CACNB4: variants seen among roughly 807,000 people sequenced by gnomAD.
CACNB4 encodes voltage-dependent L-type calcium channel subunit beta-4.
CACNB4 carries 32 observed loss-of-function variants against 71.2 expected under a neutral mutation model. The ratio of observed to expected loss-of-function variants is 0.45; its 90% confidence interval spans 0.34 to 0.60. CACNB4 has a LOEUF of 0.60. Ranked by LOEUF, CACNB4 falls within the 20% of genes least tolerant of loss-of-function variation. CACNB4 has a pLI of 0.01. For missense variants in CACNB4, 464 were observed against 647.9 expected, an observed-to-expected ratio of 0.72 and a Z score of 3.08; for synonymous variants, 231 against 236.9, an observed-to-expected ratio of 0.97 and a Z score of 0.23.
intron 4 of CACNB4, 51 bp from the exon 5 acceptor site, chr2:151,876,607 G>T: frequency 8.8e-7 from 1 of 1,131,618 alleles, no homozygotes; most frequent in African/African-American, 2.1e-5. Context: ...TTATCTTCAC[G>T]TTGTTTATTA....
At chr2:151,935,382 C>A (rs1252849001) in intron 2 of CACNB4, among the ~76,000 whole-genome samples, 3 of 152,214 alleles carry the variant, frequency 2.0e-5, no homozygotes, top group African/African-American at 7.2e-5. Flanking sequence ...CAAAGGATTT[C>A]TTGAGTAAAA....
At chr2:151,872,720 T>C (rs1222231239) in intron 5 of CACNB4, 1 of 387,086 alleles carries the variant, frequency 2.6e-6, no homozygotes, top group Non-Finnish European at 4.6e-6. Context: ...GCATCTCTTC[T>C]AGTTACTCAG....
chr2:152,074,461 T>A (rs1297645960), intron 2 of CACNB4, among the ~76,000 whole-genome samples: 1 of 142,552 alleles, frequency 7.0e-6, no homozygotes, highest in South Asian at 2.3e-4. Context: ...GCATAATCAC[T>A]ACTATCACTA....
At chr2:151,958,165 T>C (rs1197797821) in intron 2 of CACNB4, among the ~76,000 whole-genome samples, 7 of 152,086 alleles carry the variant, frequency 4.6e-5, no homozygotes, top group African/African-American at 1.7e-4. Flanking sequence ...ATATAAGAAG[T>C]ATGAGAGACT....
At chr2:151,871,555 G>A (rs760469287) in intron 6 of CACNB4, 5 of 152,384 alleles carry the variant, frequency 3.3e-5, no homozygotes, top group Non-Finnish European at 7.3e-5. Context: ...CATCCAAGCA[G>A]CTCCAGTCTA....
At chr2:151,971,400 A>AC in intron 2 of CACNB4, 1 of 638,928 alleles carries the variant, frequency 1.6e-6, no homozygotes, top group Non-Finnish European at 2.8e-6. Context: ...CCCAACCCCC[A>AC]CCCCCAACCG....
chr2:151,949,594 T>G (rs964866490), intron 2 of CACNB4, among the ~76,000 whole-genome samples: 5 of 151,778 alleles, frequency 3.3e-5, no homozygotes, highest in Non-Finnish European at 7.4e-5. Context: ...AGGATGGCTG[T>G]GAGAAAGAGG....
intron 2 of CACNB4, among the ~76,000 whole-genome samples, chr2:152,088,627 A>G (rs1187871456): frequency 6.6e-6 from 1 of 152,250 alleles, no homozygotes; most frequent in African/African-American, 2.4e-5. Context: ...GAGAAATGAA[A>G]TAGACACGAT....
chr2:152,007,397 G>C (rs1682790199), intron 2 of CACNB4, among the ~76,000 whole-genome samples: 1 of 152,022 alleles, frequency 6.6e-6, no homozygotes, highest in Non-Finnish European at 1.5e-5. Context: ...CCAAACCCTG[G>C]CAACCACTAT....
At position 151,889,326 on chromosome 2, in the gene CACNB4, TGTG is replaced by T. The variant is rs538504811; in HGVS notation, c.148-5959_148-5957del. On this transcript the variant is annotated intron_variant, in intron 2 of 13. Coordinates refer to ENST00000539935, the MANE Select transcript of CACNB4 (RefSeq NM_000726.5). ...TACAAAAATACAAAAATTAGCCAGGTGTGGTGGCAGATGCCTGTAATCTCAGCT... is the reference window on the plus strand; with the variant it reads ...TACAAAAATACAAAAATTAGCCAGGTGTGGCAGATGCCTGTAATCTCAGCT... Among the ~76,000 whole-genome samples the T allele has an allele frequency of 3.3e-5, 5 of 151,904 alleles. No individual in the cohort carries two copies. The East Asian group carries it at 9.7e-4, about 29-fold the overall frequency.
chr2:151,923,903 C>T (rs1054833987), intron 2 of CACNB4, among the ~76,000 whole-genome samples: 4 of 152,038 alleles, frequency 2.6e-5, no homozygotes, highest in African/African-American at 9.7e-5. Flanking sequence ...CTTTCACATA[C>T]TCAGGCAGTA....
intron 2 of CACNB4, among the ~76,000 whole-genome samples, chr2:152,047,190 A>C (rs2680982): frequency 0.68 from 104,060 of 152,074 alleles, 37,944 homozygotes; most frequent in Middle Eastern, 0.88. Context: ...ATAGAAACTA[A>C]AAATAACATC....
intron 2 of CACNB4, among the ~76,000 whole-genome samples, chr2:152,012,989 ATACTTTTACT>A (rs1683144702): frequency 6.6e-6 from 1 of 152,230 alleles, no homozygotes; most frequent in Non-Finnish European, 1.5e-5. Flanking sequence ...CTCTTACACC[ATACTTTTACT>A]GTACCTTTTC....
At chr2:151,841,275 TA>T (rs1417275325) in intron 13 of CACNB4, among the ~76,000 whole-genome samples, 1 of 152,166 alleles carries the variant, frequency 6.6e-6, no homozygotes, top group East Asian at 1.9e-4. Flanking sequence ...GAAGTGGCAT[TA>T]AGAAGTAATG....
chr2:152,061,496 T>C (rs113701389), intron 2 of CACNB4, among the ~76,000 whole-genome samples: 449 of 152,272 alleles, frequency 2.9e-3, no homozygotes, highest in Middle Eastern at 0.02. Context: ...TTTAAGTAAG[T>C]AGGCTTATTT....
chr2:152,004,943 C>G (rs759068826), intron 2 of CACNB4, among the ~76,000 whole-genome samples: 3 of 152,066 alleles, frequency 2.0e-5, no homozygotes, highest in Non-Finnish European at 2.9e-5. Flanking sequence ...TTAAATTACT[C>G]TTGGATGCAA....
chr2:151,867,901 G>A (rs9679167), intron 9 of CACNB4: 2 of 152,312 alleles, frequency 1.3e-5, no homozygotes, highest in Non-Finnish European at 1.5e-5. Context: ...ACCTGCTTCA[G>A]ACTGTTAAGT....
intron 2 of CACNB4, among the ~76,000 whole-genome samples, chr2:151,945,369 A>G (rs2099865290): frequency 1.3e-5 from 2 of 152,154 alleles, no homozygotes; most frequent in South Asian, 4.1e-4. Flanking sequence ...CTGTTTCCTC[A>G]TCTTAACAAT....
At chr2:151,912,201 T>C (rs1385841865) in intron 2 of CACNB4, among the ~76,000 whole-genome samples, 1 of 152,226 alleles carries the variant, frequency 6.6e-6, no homozygotes, top group Non-Finnish European at 1.5e-5. Context: ...TTTCTTGTCT[T>C]CTACTAGCTT....
Sources: gnomAD v4.1 joint callset for allele counts (sites outside exome capture counted in the v4.1 genomes callset) on GRCh38, gnomAD v4.1.1 for gene constraint, MANE v1.5 for transcripts, NCBI Gene and HGNC (gene_info 2026-07-23, HGNC 2026-07-21) for gene names.